ITSN1: variants seen among roughly 807,000 people sequenced by gnomAD.
ITSN1 encodes the protein intersectin 1, also known as intersectin-1.
ITSN1 carries 58 observed loss-of-function variants against 239.8 expected under a neutral mutation model. The ratio of observed to expected loss-of-function variants is 0.24; its 90% CI spans 0.20 to 0.30. ITSN1 has a LOEUF of 0.30. Ranked by LOEUF, ITSN1 falls within the 10% of genes least tolerant of loss-of-function variation. The probability of loss-of-function intolerance (pLI) is 1.00; values close to 1 mark genes in which losing one functional copy is unlikely to be tolerated. For synonymous variants in ITSN1, 780 were observed against 770.8 expected, an observed-to-expected ratio of 1.01 and a Z score of -0.20; for missense variants, 1,558 against 2,103.3, an observed-to-expected ratio of 0.74 and a Z score of 5.07.
intron 29 of ITSN1, among the ~76,000 whole-genome samples, chr21:33,840,179 T>A (rs1454975153): frequency 6.6e-6 from 1 of 152,186 alleles, no homozygotes; most frequent in Non-Finnish European, 1.5e-5. Flanking sequence ...CTCTGCACTT[T>A]GGTACTAGAT....
At chr21:33,817,710 T>G in intron 22 of ITSN1, 2 of 1,022,954 alleles carry the variant, frequency 2.0e-6, no homozygotes, top group Non-Finnish European at 2.5e-6. Context: ...TGCATGTAGA[T>G]GTACAATAAA....
At position 33,839,681 on chromosome 21, in the gene ITSN1, T is replaced by C. The variant is rs547964545; in HGVS notation, c.3661+3049T>C. 1.8e-4 allele frequency among the ~76,000 whole-genome samples: 28 copies of C among 152,338 alleles called. 2 individuals carry two copies. The South Asian group carries it at 5.8e-3, about 32-fold the overall frequency. ...AGGTGGGTACTACTCCATAACACTC[T>C]ACCTAATTCACTCCAGATGCCCCAC... On this transcript the variant is annotated intron_variant, in intron 29 of 39. Coordinates refer to ENST00000381318, the MANE Select transcript of ITSN1 (RefSeq NM_003024.3).
chr21:33,642,950 G>A (rs2087537722), intron 1 of ITSN1, among the ~76,000 whole-genome samples: 1 of 150,708 alleles, frequency 6.6e-6, no homozygotes, highest in Non-Finnish European at 1.5e-5. Flanking sequence ...CCCGCACTGG[G>A]AGGCCGGGGG....
intron 1 of ITSN1, among the ~76,000 whole-genome samples, chr21:33,652,931 A>C (rs2088673261): frequency 6.6e-6 from 1 of 152,008 alleles, no homozygotes; most frequent in South Asian, 2.1e-4. Flanking sequence ...ATCGTTCCCC[A>C]AAACTGAGGG....
chr21:33,898,939 C>A lies in ITSN1; in HGVS notation c.*10639C>A, dbSNP rs1986941275. On this transcript the variant is annotated 3_prime_UTR_variant, in exon 40 of 40. Transcript: ENST00000381318. ...CACTTAGAGGCACTGTCCATGTGGT[C>A]CATAACTGGCTTTATTCCCAAAGAT... The A allele has an allele frequency of 6.6e-6, 1 of 152,228 alleles. No homozygotes were observed. Among genetic ancestry groups the A allele is most frequent in the South Asian group, 2.1e-4 (1 of 4,826 alleles). 9.4% of individuals were successfully genotyped at this position (152,228 alleles called of 1,614,324 possible). A position where few individuals can be genotyped will look rare whatever the true frequency, so the allele number is the denominator to read the frequency against.
intron 1 of ITSN1, among the ~76,000 whole-genome samples, chr21:33,715,607 T>C (rs2065088466): frequency 6.6e-6 from 1 of 152,188 alleles, no homozygotes; most frequent in Non-Finnish European, 1.5e-5. Context: ...TGAGAAATTG[T>C]CGAGGAAAAG....
At chr21:33,826,213 A>G (rs998943559) in intron 25 of ITSN1, among the ~76,000 whole-genome samples, 5 of 152,188 alleles carry the variant, frequency 3.3e-5, no homozygotes, top group African/African-American at 4.8e-5. Context: ...AGAAATTTCA[A>G]TGTATAAACT....
chr21:33,658,714 C>T (rs561700841), intron 1 of ITSN1, among the ~76,000 whole-genome samples: 1 of 152,334 alleles, frequency 6.6e-6, no homozygotes, highest in African/African-American at 2.4e-5. Context: ...CCAACCTCTT[C>T]CTCTGTCTGT....
intron 8 of ITSN1, among the ~76,000 whole-genome samples, chr21:33,761,274 G>C (rs2068303615): frequency 1.3e-5 from 2 of 151,938 alleles, no homozygotes; most frequent in African/African-American, 2.4e-5. Flanking sequence ...ATGGGGTTTT[G>C]CCATCTGGTC....
At chr21:33,767,670 C>T (rs1181380093) in intron 10 of ITSN1, 43 bp from the exon 11 acceptor site, 3 of 1,122,552 alleles carry the variant, frequency 2.7e-6, no homozygotes, top group Non-Finnish European at 4.0e-6. Flanking sequence ...TCCACCCAGA[C>T]AGCTCTGTGT....
intron 26 of ITSN1, among the ~76,000 whole-genome samples, chr21:33,827,114 G>T (rs1199421973): frequency 6.6e-6 from 1 of 152,170 alleles, no homozygotes; most frequent in African/African-American, 2.4e-5. Context: ...AATAATTCAG[G>T]TGAGGCCAGG....
At chr21:33,773,275 T>C (rs1000926476) in intron 12 of ITSN1, among the ~76,000 whole-genome samples, 1 of 152,110 alleles carries the variant, frequency 6.6e-6, no homozygotes, top group Admixed American at 6.5e-5. Flanking sequence ...CCCAAAGTGC[T>C]GGGATTACAG....
intron 21 of ITSN1, among the ~76,000 whole-genome samples, chr21:33,812,360 A>T (rs990241732): frequency 6.6e-6 from 1 of 152,162 alleles, no homozygotes; most frequent in African/African-American, 2.4e-5. Flanking sequence ...TGCTATAATT[A>T]TGGGCACCTT....
At chr21:33,751,947 C>A in intron 7 of ITSN1, 41 bp downstream of exon 7, 1 of 1,282,956 alleles carries the variant, frequency 7.8e-7, no homozygotes, top group Non-Finnish European at 1.1e-6. Flanking sequence ...TGGTTAAGGC[C>A]ATTACCTGAT....
At chr21:33,835,526 C>CCTA (rs2074551271) in intron 28 of ITSN1, among the ~76,000 whole-genome samples, 1 of 152,158 alleles carries the variant, frequency 6.6e-6, no homozygotes, top group Non-Finnish European at 1.5e-5. Flanking sequence ...AATTTTACCT[C>CCTA]CTGTAAGCTT....
At chr21:33,687,548 A>G (rs1235216985) in intron 1 of ITSN1, among the ~76,000 whole-genome samples, 3 of 151,688 alleles carry the variant, frequency 2.0e-5, no homozygotes, top group African/African-American at 7.3e-5. Context: ...AGGATTTTGT[A>G]GTTTTTTAGG....
chr21:33,697,176 G>A (rs576397383), intron 1 of ITSN1, among the ~76,000 whole-genome samples: 2 of 149,828 alleles, frequency 1.3e-5, no homozygotes, highest in East Asian at 3.9e-4. Flanking sequence ...TCTAGCTCCC[G>A]AGTTGAAGCG....
intron 20 of ITSN1, among the ~76,000 whole-genome samples, chr21:33,803,242 C>G (rs771828153): frequency 5.3e-5 from 8 of 152,136 alleles, no homozygotes; most frequent in African/African-American, 1.9e-4. Flanking sequence ...ATTGGTTAAG[C>G]GATTTGGAAG....
chr21:33,756,774 T>C (rs1387202634), intron 8 of ITSN1: 2 of 148,330 alleles, frequency 1.3e-5, no homozygotes, highest in Admixed American at 6.7e-5. Context: ...CAGGCTCTGC[T>C]TTTTTTTTTG....
Sources: allele counts gnomAD v4.1 joint callset (sites outside exome capture counted in the v4.1 genomes callset), GRCh38; gene constraint gnomAD v4.1.1; transcripts MANE v1.5; gene names NCBI Gene and HGNC (gene_info 2026-07-23, HGNC 2026-07-21).